The following CTTN variants were observed in gnomAD, a reference collection of about 807,000 sequenced individuals.
CTTN encodes src substrate cortactin.
CTTN carries 28 observed loss-of-function variants against 84.0 expected under a neutral mutation model. The observed-to-expected ratio is 0.33, with a 90% CI of 0.25 to 0.46. The LOEUF (loss-of-function observed/expected upper bound fraction) is 0.46, where lower values mean the gene tolerates loss of function less well. CTTN is among the 20% of genes least tolerant of loss of function. The pLI, the probability that CTTN is intolerant of heterozygous loss-of-function variation, is 1.00. For synonymous variants in CTTN, 301 were observed against 288.8 expected (o/e 1.04, Z -0.43); for missense variants, 641 against 723.8 (o/e 0.89, Z 1.31).
intron 5 of CTTN, among the ~76,000 whole-genome samples, chr11:70,414,021 A>G (rs183942066): frequency 3.3e-5 from 5 of 152,242 alleles, no homozygotes; most frequent in African/African-American, 1.2e-4. Context: ...TGCAGCTTCC[A>G]GGAGCCCAAG....
chr11:70,434,986 G>C (rs748628395), intron 17 of CTTN, 40 bp from the exon 18 acceptor site: 1 of 1,608,136 alleles, frequency 6.2e-7, no homozygotes, highest in Non-Finnish European at 8.5e-7. Flanking sequence ...ACCAGGAAAC[G>C]CTTGCACTTC....
intron 8 of CTTN, among the ~76,000 whole-genome samples, chr11:70,418,256 C>CAG: frequency 6.6e-6 from 1 of 152,236 alleles, no homozygotes; most frequent in Non-Finnish European, 1.5e-5. Flanking sequence ...CCTGGCCTGG[C>CAG]CTTGCCTTCC....
At chr11:70,431,428 C>A in intron 15 of CTTN, 148 bp downstream of exon 15, 1 of 793,220 alleles carries the variant, frequency 1.3e-6, no homozygotes, top group South Asian at 1.6e-5. Context: ...GAGGGGTGGG[C>A]CAGGAGCGCC....
intron 4 of CTTN, chr11:70,408,180 T>G (rs2058063967): frequency 6.6e-6 from 1 of 152,138 alleles, no homozygotes; most frequent in Non-Finnish European, 1.5e-5. Flanking sequence ...TAAAATATGC[T>G]CAGACTTTTA....
chr11:70,416,817 AC>A (rs1476784406), intron 7 of CTTN, 195 bp from the exon 8 acceptor site: 1 of 564,308 alleles, frequency 1.8e-6, no homozygotes, highest in South Asian at 2.2e-5. Flanking sequence ...AGGGCCCAGA[AC>A]CCCCCCATGC....
At chr11:70,434,545 GGT>G (rs751668224) in intron 17 of CTTN, among the ~76,000 whole-genome samples, 1 of 152,292 alleles carries the variant, frequency 6.6e-6, no homozygotes, top group Non-Finnish European at 1.5e-5. Flanking sequence ...CACGCATGTG[GGT>G]GTGTCTGTGG....
intron 5 of CTTN, among the ~76,000 whole-genome samples, chr11:70,412,817 A>G (rs562514575): frequency 5.3e-5 from 8 of 152,322 alleles, no homozygotes; most frequent in Admixed American, 2.0e-4. Flanking sequence ...GATTTTGTCA[A>G]TGTGAAATCG....
chr11:70,413,171 G>A (rs1353326040), intron 5 of CTTN, among the ~76,000 whole-genome samples: 1 of 152,242 alleles, frequency 6.6e-6, no homozygotes, highest in African/African-American at 2.4e-5. Flanking sequence ...AGGGGAAATA[G>A]TGGACACTCT....
In CTTN at chr11:70,435,392, A is replaced by C. The variant is rs969989803; in HGVS notation, c.*230A>C. ...ATATATTGTAATCACATTCCTTAGG[A>C]GGACTTTGGTAATTGGTTTTATGCA... is the stretch of plus-strand genomic sequence containing the variant. On this transcript the variant is annotated 3_prime_UTR_variant, in exon 18 of 18. Transcript: ENST00000301843. 6.7e-7 allele frequency: 1 copy of C among 1,493,522 alleles called. No individual in the cohort carries two copies. Among genetic ancestry groups the C allele is most frequent in the African/African-American group, 1.4e-5 (1 of 69,840 alleles). 92.5% of individuals were successfully genotyped at this position (1,493,522 alleles called of 1,614,324 possible).
rs539723006 is a variant in CTTN, at chr11:70,414,466, C to T, written c.292-76C>T. The T allele has an allele frequency of 3.8e-4, 420 of 1,092,600 alleles. No individual in the cohort carries two copies. The African/African-American group carries it at 5.9e-3, about 15-fold the overall frequency. The allele number at this position is 1,092,600 out of a possible 1,614,324, so 67.7% of individuals were successfully genotyped here. A position where few individuals can be genotyped will look rare whatever the true frequency, so the allele number is the denominator to read the frequency against. On this transcript the variant is annotated intron_variant, in intron 5 of 17. Coordinates refer to ENST00000301843, the MANE Select transcript of CTTN (RefSeq NM_005231.4). ...GCACTGACCAGGATGTGGCCTCCCC[C>T]AGCCCTGCTCTGGGAGGAAGTGAAG...
chr11:70,431,038 G>A (rs2058348485), intron 14 of CTTN, among the ~76,000 whole-genome samples, 153 bp from the exon 15 acceptor site: 1 of 152,020 alleles, frequency 6.6e-6, no homozygotes, highest in South Asian at 2.1e-4. Context: ...GGGATCTGAG[G>A]CTTGGTGCTC....
chr11:70,401,153 T>C (rs1175376519), intron 1 of CTTN, among the ~76,000 whole-genome samples: 1 of 151,982 alleles, frequency 6.6e-6, no homozygotes, highest in African/African-American at 2.4e-5. Flanking sequence ...CTAGGCAACA[T>C]GGGGAAACCC....
chr11:70,426,586 A>T (rs1375132057), intron 13 of CTTN, among the ~76,000 whole-genome samples: 4 of 142,768 alleles, frequency 2.8e-5, no homozygotes, highest in African/African-American at 7.7e-5. Flanking sequence ...GCCCAGTTAA[A>T]TTTTTTTTTT....
intron 1 of CTTN, among the ~76,000 whole-genome samples, chr11:70,399,722 C>T (rs1351061267): frequency 6.6e-6 from 1 of 152,102 alleles, no homozygotes; most frequent in African/African-American, 2.4e-5. Context: ...AATCTGTGGA[C>T]GTTTGGGGCC....
chr11:70,433,345 T>A, intron 16 of CTTN, 67 bp downstream of exon 16: 1 of 1,471,806 alleles, frequency 6.8e-7, no homozygotes, highest in Non-Finnish European at 9.1e-7. Flanking sequence ...CTGCTCGACC[T>A]GTGGCGTCGT....
intron 13 of CTTN, among the ~76,000 whole-genome samples, chr11:70,427,982 C>G (rs1416680062): frequency 6.6e-6 from 1 of 152,050 alleles, no homozygotes; most frequent in Non-Finnish European, 1.5e-5. Flanking sequence ...TGCCAGATAC[C>G]CAGCTTTGCA....
rs2058415196 is a variant in CTTN, at chr11:70,436,154, C to T, written c.*992C>T. ...AGTATTTTTGCCAAAATATCATGTTCAATTTCAGTAGTTTGATCAGTTGAA... is the reference window on the plus strand; with the variant it reads ...AGTATTTTTGCCAAAATATCATGTTTAATTTCAGTAGTTTGATCAGTTGAA... On this transcript the variant is annotated 3_prime_UTR_variant, in exon 18 of 18. Coordinates refer to ENST00000301843, the MANE Select transcript of CTTN (RefSeq NM_005231.4). 1.4e-6 allele frequency: 2 copies of T among 1,457,144 alleles called. No homozygotes were observed. Among genetic ancestry groups the T allele is most frequent in the Non-Finnish European group, 1.8e-6 (2 of 1,112,276 alleles). The allele number at this position is 1,457,144 out of a possible 1,614,324, so 90.3% of individuals were successfully genotyped here.
chr11:70,422,929 C>A lies in CTTN; in HGVS notation c.902-11C>A. The A allele has an allele frequency of 6.2e-7, 1 of 1,614,104 alleles. No homozygotes were observed. ...ACCTCAGAGTAAGTGTTGTGTTTTG[C>A]CACGTTTCAGACTACTCCAAAGGAT... On this transcript the variant is annotated splice_polypyrimidine_tract_variant and intron_variant, in intron 11 of 17. Coordinates refer to ENST00000301843, the MANE Select transcript of CTTN (RefSeq NM_005231.4).
Position 70,435,243 on chromosome 11 carries a change from GGTTTTTTCT to G in CTTN, c.*89_*97del. The G allele has an allele frequency of 7.2e-7, 1 of 1,392,530 alleles. No individual in the cohort carries two copies. Among genetic ancestry groups the G allele is most frequent in the Non-Finnish European group, 9.2e-7 (1 of 1,081,926 alleles). The allele number at this position is 1,392,530 out of a possible 1,614,324, so 86.3% of individuals were successfully genotyped here. ...CTTCTTTGGTTCTTGGGTGGTTTTGGGTTTTTTCTGTTTTTTTTTTTTTTTTTTTTTTTT... is the reference window on the plus strand; with the variant it reads ...CTTCTTTGGTTCTTGGGTGGTTTTGGGTTTTTTTTTTTTTTTTTTTTTTTT... On this transcript the variant is annotated 3_prime_UTR_variant, in exon 18 of 18. Transcript: ENST00000301843.
Sources: allele counts gnomAD v4.1 joint callset (sites outside exome capture counted in the v4.1 genomes callset), GRCh38; gene constraint gnomAD v4.1.1; transcripts MANE v1.5; gene names NCBI Gene and HGNC (gene_info 2026-07-23, HGNC 2026-07-21).